TMEM132C: variants seen among roughly 807,000 people sequenced by gnomAD.
TMEM132C encodes the protein transmembrane protein 132C.
TMEM132C carries 29 observed loss-of-function variants against 61.4 expected under a neutral mutation model. That is an observed-to-expected ratio of 0.47 (90% CI 0.35 to 0.64). The LOEUF (loss-of-function observed/expected upper bound fraction) is 0.64. Ranked by LOEUF, TMEM132C falls within the 30% of genes least tolerant of loss-of-function variation. The pLI is 0.00. For synonymous variants in TMEM132C, 656 were observed against 633.1 expected, an observed-to-expected ratio of 1.04 and a Z score of -0.54; for missense variants, 1,408 against 1,476.9, an observed-to-expected ratio of 0.95 and a Z score of 0.76.
chr12:128,587,702 C>A (rs1875601678), intron 3 of TMEM132C, among the ~76,000 whole-genome samples: 1 of 152,310 alleles, frequency 6.6e-6, no homozygotes, highest in Non-Finnish European at 1.5e-5. Context: ...CTTTCTCCTG[C>A]AGGAAGAGCT....
chr12:128,306,355 C>T (rs1440049628), intron 1 of TMEM132C, among the ~76,000 whole-genome samples: 2 of 152,048 alleles, frequency 1.3e-5, no homozygotes, highest in Non-Finnish European at 2.9e-5. Flanking sequence ...GTGCCCGCCA[C>T]CACGCCTGGC....
chr12:128,593,813 C>T (rs1422849645), intron 3 of TMEM132C, among the ~76,000 whole-genome samples: 1 of 152,148 alleles, frequency 6.6e-6, no homozygotes, highest in Non-Finnish European at 1.5e-5. Flanking sequence ...AGACTCTTTC[C>T]CTCTCCTGTA....
chr12:128,336,469 T>A (rs1236364796), intron 1 of TMEM132C, among the ~76,000 whole-genome samples: 1 of 152,208 alleles, frequency 6.6e-6, no homozygotes, highest in Non-Finnish European at 1.5e-5. Context: ...GGACTCTATA[T>A]TTAAGCCAAG....
chr12:128,444,619 G>T (rs1261683265), intron 2 of TMEM132C, among the ~76,000 whole-genome samples: 2 of 152,254 alleles, frequency 1.3e-5, no homozygotes, highest in East Asian at 3.9e-4. Flanking sequence ...TTAAACTCTG[G>T]TTTTCAAGTC....
At chr12:128,353,928 G>A (rs1287727424) in intron 1 of TMEM132C, among the ~76,000 whole-genome samples, 1 of 152,202 alleles carries the variant, frequency 6.6e-6, no homozygotes, top group Non-Finnish European at 1.5e-5. Flanking sequence ...GTTTTCAAAA[G>A]AATACTGTTA....
intron 3 of TMEM132C, among the ~76,000 whole-genome samples, chr12:128,561,433 A>T (rs762850478): frequency 5.3e-5 from 8 of 152,232 alleles, no homozygotes; most frequent in Admixed American, 2.0e-4. Flanking sequence ...TGCCTTCTGC[A>T]TGCCTGTTAA....
intron 4 of TMEM132C, among the ~76,000 whole-genome samples, chr12:128,633,787 G>A (rs1451204450): frequency 6.6e-6 from 1 of 152,102 alleles, no homozygotes; most frequent in Non-Finnish European, 1.5e-5. Flanking sequence ...TGTGAGTGGA[G>A]ATTTCATTTA....
chr12:128,366,627 G>T (rs1873880818), intron 1 of TMEM132C, among the ~76,000 whole-genome samples: 1 of 152,198 alleles, frequency 6.6e-6, no homozygotes, highest in Admixed American at 6.5e-5. Flanking sequence ...GCCTCACACA[G>T]GCAGCAGGGA....
intron 1 of TMEM132C, among the ~76,000 whole-genome samples, chr12:128,268,878 G>C (rs1395217520): frequency 1.5e-5 from 2 of 130,654 alleles, no homozygotes; most frequent in Non-Finnish European, 3.2e-5. Context: ...AGGAGGGTGG[G>C]GTGAGAGAGG....
chr12:128,566,521 T>C (rs766653410), intron 3 of TMEM132C, among the ~76,000 whole-genome samples: 49 of 152,210 alleles, frequency 3.2e-4, no homozygotes, highest in Non-Finnish European at 5.4e-4. Context: ...AGCCACACCA[T>C]AGAGGGAAAG....
chr12:128,410,737 C>A (rs954732215), intron 1 of TMEM132C, among the ~76,000 whole-genome samples: 3 of 152,014 alleles, frequency 2.0e-5, no homozygotes, highest in African/African-American at 7.3e-5. Context: ...AAGATGTTCT[C>A]TTATATAAGT....
chr12:128,305,091 G>A (rs985766602), intron 1 of TMEM132C, among the ~76,000 whole-genome samples: 10 of 151,710 alleles, frequency 6.6e-5, no homozygotes, highest in Admixed American at 3.3e-4. Flanking sequence ...AAAGCGTTGC[G>A]TATTAGGCTG....
At chr12:128,436,090 A>G (rs1418454249) in intron 2 of TMEM132C, among the ~76,000 whole-genome samples, 1 of 152,206 alleles carries the variant, frequency 6.6e-6, no homozygotes, top group East Asian at 1.9e-4. Flanking sequence ...AAAACTGGCT[A>G]GCCATATGTA....
chr12:128,350,746 G>A (rs1370069943), intron 1 of TMEM132C, among the ~76,000 whole-genome samples: 1 of 151,944 alleles, frequency 6.6e-6, no homozygotes, highest in African/African-American at 2.4e-5. Flanking sequence ...CTGATGGTTA[G>A]CTGAGCGCTC....
chr12:128,533,021 G>T (rs988142466), intron 2 of TMEM132C, among the ~76,000 whole-genome samples: 3 of 151,368 alleles, frequency 2.0e-5, no homozygotes, highest in African/African-American at 7.3e-5. Flanking sequence ...AGGTCAGTGG[G>T]TGGGTTTGGA....
chr12:128,536,538 A>G lies in TMEM132C; in HGVS notation c.975-7419A>G, dbSNP rs372892257. Among the ~76,000 whole-genome samples, 6 of 151,172 alleles carry G rather than the reference A, an allele frequency of 4.0e-5. No individual in the cohort carries two copies. In the South Asian group the frequency reaches 1.0e-3, roughly 26 times the overall value. On this transcript the variant is annotated intron_variant, in intron 2 of 8. Coordinates refer to ENST00000435159, the MANE Select transcript of TMEM132C (RefSeq NM_001136103.3). ...AGAACTTAAAGTATAATGAAAAAAA[A>G]AGAGAAGGTGGCTGTGTGGCTGGCA... is the stretch of plus-strand genomic sequence containing the variant.
chr12:128,518,226 T>A (rs1427129861), intron 2 of TMEM132C, among the ~76,000 whole-genome samples: 2 of 152,234 alleles, frequency 1.3e-5, no homozygotes, highest in Non-Finnish European at 2.9e-5. Flanking sequence ...TGAAATAATG[T>A]GTGGACAATT....
At chr12:128,534,700 T>C (rs1873455570) in intron 2 of TMEM132C, among the ~76,000 whole-genome samples, 2 of 152,212 alleles carry the variant, frequency 1.3e-5, no homozygotes, top group South Asian at 4.1e-4. Flanking sequence ...CTTCTGGTCC[T>C]GGACACAAAC....
intron 2 of TMEM132C, among the ~76,000 whole-genome samples, chr12:128,519,090 G>A (rs141864936): frequency 3.3e-5 from 5 of 152,180 alleles, no homozygotes; most frequent in African/African-American, 9.6e-5. Context: ...TTTGTGTGGG[G>A]GTGTTAAACA....
Sources: allele counts gnomAD v4.1 joint callset (sites outside exome capture counted in the v4.1 genomes callset), GRCh38; gene constraint gnomAD v4.1.1; transcripts MANE v1.5; gene names NCBI Gene and HGNC (gene_info 2026-07-23, HGNC 2026-07-21).